The following CDC6 variants were observed in gnomAD, a reference collection of about 807,000 sequenced individuals.
CDC6 encodes the protein cell division cycle 6.
CDC6 carries 46 observed loss-of-function variants against 60.2 expected under a neutral mutation model. The ratio of observed to expected loss-of-function variants is 0.76; its 90% CI spans 0.60 to 0.98. The LOEUF (loss-of-function observed/expected upper bound fraction) is 0.98, where lower values mean the gene tolerates loss of function less well. CDC6 is among the 50% of genes least tolerant of loss of function. The probability of loss-of-function intolerance (pLI) is 0.00; values close to 1 mark genes in which losing one functional copy is unlikely to be tolerated. For synonymous variants in CDC6, 210 were observed against 233.2 expected, an observed-to-expected ratio of 0.90 and a Z score of 0.90; for missense variants, 596 against 652.9, an observed-to-expected ratio of 0.91 and a Z score of 0.95.
intron 9 of CDC6, 37 bp from the exon 10 acceptor site, chr17:40,300,791 T>G: frequency 6.7e-7 from 1 of 1,483,460 alleles, no homozygotes; most frequent in Non-Finnish European, 9.4e-7. Context: ...CACAGTATTT[T>G]AGAAATCGAA....
Position 40,302,071 on chromosome 17 carries a change from C to T in CDC6, c.*70C>T. The T allele has an allele frequency of 7.7e-6, 7 of 906,860 alleles. No individual in the cohort carries two copies. Among genetic ancestry groups the T allele is most frequent in the Admixed American group, 1.7e-5 (1 of 58,774 alleles). 56.2% of individuals were successfully genotyped at this position (906,860 alleles called of 1,614,324 possible). A position where few individuals can be genotyped will look rare whatever the true frequency, so the allele number is the denominator to read the frequency against. ...GAGAGCTACAGTCTTCATTTTAGTG[C>T]TTTACACATTCGGGCCTGAAAACAA... On this transcript the variant is annotated 3_prime_UTR_variant, in exon 12 of 12. Coordinates refer to ENST00000209728, the MANE Select transcript of CDC6 (RefSeq NM_001254.4).
In CDC6 at chr17:40,301,034, A is replaced by G. The variant is rs1167392870; in HGVS notation, c.1452+4A>G. 6.2e-7 allele frequency: 1 copy of G among 1,605,730 alleles called. No individual in the cohort carries two copies. The highest frequency in any genetic ancestry group is 8.5e-7 in the Non-Finnish European group (1 of 1,172,818). ...CAAAGAGGTCACTCTGGGGAAGGTA[A>G]GTTGGGATGGAGCAGATGGAACGGA... On this transcript the variant is annotated splice_donor_region_variant and intron_variant, in intron 10 of 11. Coordinates refer to ENST00000209728, the MANE Select transcript of CDC6 (RefSeq NM_001254.4).
intron 1 of CDC6, among the ~76,000 whole-genome samples, chr17:40,288,961 A>G (rs2032707990): frequency 6.6e-6 from 1 of 152,016 alleles, no homozygotes; most frequent in Admixed American, 6.5e-5. Context: ...TCAGCCTCCC[A>G]AAGTGCTGGG....
intron 4 of CDC6, 51 bp from the exon 5 acceptor site, chr17:40,293,405 C>T: frequency 6.9e-7 from 1 of 1,449,280 alleles, no homozygotes; most frequent in Admixed American, 1.7e-5. Flanking sequence ...TCTATCAGAT[C>T]TTTATTTTCT....
In CDC6 at chr17:40,291,519, C is replaced by T. The variant is rs757198932; in HGVS notation, c.511C>T (p.Arg171Trp). ...GGTCCTGAACACAGCTGTCCCAGATCGGCTGCCTGCCAGGGAAAGGGAGAT... is the reference window on the plus strand; with the variant it reads ...GGTCCTGAACACAGCTGTCCCAGATTGGCTGCCTGCCAGGGAAAGGGAGAT... ...KLVLNTAVPDRLPAREREMDV... is the reference protein window; with the variant it reads ...KLVLNTAVPDWLPAREREMDV... The change falls in exon 4 of 12, where the codon CGG (arginine) becomes TGG (tryptophan). Residue 171 changes from arginine to tryptophan, a missense_variant. Arg to Trp is a moderately radical substitution (Grantham distance 101, BLOSUM62 -3). Coordinates refer to ENST00000209728, the MANE Select transcript of CDC6 (RefSeq NM_001254.4). 3.4e-5 allele frequency: 55 copies of T among 1,614,026 alleles called. No homozygotes were observed. The East Asian group carries it at 6.9e-4, about 20-fold the overall frequency.
chr17:40,302,158 A>G lies in CDC6; in HGVS notation c.*157A>G, dbSNP rs1462698368. 1.5e-6 allele frequency: 1 copy of G among 664,480 alleles called. No homozygotes were observed. Among genetic ancestry groups the G allele is most frequent in the African/African-American group, 1.8e-5 (1 of 54,902 alleles). 41.2% of individuals were successfully genotyped at this position (664,480 alleles called of 1,614,324 possible). On this transcript the variant is annotated 3_prime_UTR_variant, in exon 12 of 12. Coordinates refer to ENST00000209728, the MANE Select transcript of CDC6 (RefSeq NM_001254.4). ...TCTATAGATTCTTTAATATTAGCAC[A>G]GAATAATATCTTTGGGTCTTACTAT...
intron 11 of CDC6, 149 bp downstream of exon 11, chr17:40,301,757 G>A (rs1331082448): frequency 1.2e-5 from 11 of 940,520 alleles, no homozygotes; most frequent in Admixed American, 9.3e-5. Context: ...AAAGATGGGA[G>A]TGTGATATGA....
chr17:40,297,623 T>G (rs941877248), intron 9 of CDC6, among the ~76,000 whole-genome samples: 12 of 152,074 alleles, frequency 7.9e-5, no homozygotes, highest in Admixed American at 5.2e-4. Context: ...TAAAAAAAAT[T>G]AGGCAAGCAT....
rs374722338 is a variant in CDC6, at chr17:40,291,733, GTTTGT to G, written c.660+89_660+93del. ...GATACTTGGGTGTTTTTGTTTGTTTGTTTGTTTTGTTTTGTTTTGTTTTGTTTTTT... is the reference window on the plus strand; with the variant it reads ...GATACTTGGGTGTTTTTGTTTGTTTGTTTGTTTTGTTTTGTTTTGTTTTTT... On this transcript the variant is annotated intron_variant, in intron 4 of 11. Transcript: ENST00000209728. 2.4e-4 allele frequency: 358 copies of G among 1,506,660 alleles called. 2 individuals are homozygous for G. Among genetic ancestry groups the G allele is most frequent in the African/African-American group, 1.2e-3 (88 of 70,750 alleles). The allele number at this position is 1,506,660 out of a possible 1,614,324, so 93.3% of individuals were successfully genotyped here. A position where few individuals can be genotyped will look rare whatever the true frequency, so the allele number is the denominator to read the frequency against.
intron 5 of CDC6, 31 bp downstream of exon 5, chr17:40,293,662 T>C: frequency 6.5e-7 from 1 of 1,550,132 alleles, no homozygotes; most frequent in Non-Finnish European, 8.9e-7. Flanking sequence ...TGTTGCTCTG[T>C]GAAAATCTGC....
chr17:40,288,678 G>A (rs1375598439), intron 1 of CDC6, among the ~76,000 whole-genome samples: 1 of 151,038 alleles, frequency 6.6e-6, no homozygotes, highest in Non-Finnish European at 1.5e-5. Flanking sequence ...TCCGCCTCCC[G>A]GGTTCATGCC....
intron 2 of CDC6, 107 bp downstream of exon 2, chr17:40,289,705 T>C (rs2032722266): frequency 3.7e-6 from 1 of 272,270 alleles, no homozygotes; most frequent in Non-Finnish European, 6.4e-6. Context: ...TAAGACTTCT[T>C]TTTTTTTTTT....
intron 9 of CDC6, among the ~76,000 whole-genome samples, chr17:40,299,946 A>G (rs748602921): frequency 4.6e-5 from 7 of 151,926 alleles, no homozygotes; most frequent in Admixed American, 1.3e-4. Context: ...AATATTCGGT[A>G]ATTTTCCAAC....
chr17:40,289,619 C>T, intron 2 of CDC6, 21 bp downstream of exon 2: 3 of 1,594,162 alleles, frequency 1.9e-6, no homozygotes, highest in Non-Finnish European at 2.6e-6. Context: ...CATTATATCA[C>T]TTTTTCACTA....
rs1175127473 is a variant in CDC6, at chr17:40,289,740, G to A, written c.178+142G>A. 3 of 627,968 alleles carry A rather than the reference G, an allele frequency of 4.8e-6. No individual in the cohort carries two copies. The East Asian group carries it at 9.3e-5, about 19-fold the overall frequency. The allele number at this position is 627,968 out of a possible 1,614,324, so 38.9% of individuals were successfully genotyped here. On this transcript the variant is annotated intron_variant, in intron 2 of 11. Transcript: ENST00000209728. ...TTTTTTTTTTTTGAGACAGAGTCTC[G>A]CTCCATCTCCCAGGCTGGAGTGCAA...
intron 6 of CDC6, 79 bp downstream of exon 6, chr17:40,294,135 AT>A: frequency 2.5e-6 from 3 of 1,191,346 alleles, no homozygotes; most frequent in South Asian, 2.4e-5. Flanking sequence ...TTTATCAGCT[AT>A]TTTATCTTAA....
intron 9 of CDC6, 106 bp from the exon 10 acceptor site, chr17:40,300,722 A>G (rs1051563218): frequency 4.5e-6 from 4 of 888,252 alleles, no homozygotes; most frequent in Non-Finnish European, 7.7e-6. Flanking sequence ...CCATGTGACT[A>G]TACTTGAATT....
intron 7 of CDC6, among the ~76,000 whole-genome samples, chr17:40,294,811 G>A (rs1188631500): frequency 1.3e-5 from 2 of 151,010 alleles, no homozygotes; most frequent in African/African-American, 2.4e-5. Context: ...TACAGCCTCT[G>A]CCTCACGGGT....
chr17:40,295,353 A>G lies in CDC6; in HGVS notation c.1084-3A>G. ...ACTGTCATCTTCTATGTCTTGTCTGAAGGTATCTAGAGATCAGGTTCTGGA... is the reference window on the plus strand; with the variant it reads ...ACTGTCATCTTCTATGTCTTGTCTGGAGGTATCTAGAGATCAGGTTCTGGA... On this transcript the variant is annotated splice_polypyrimidine_tract_variant and splice_region_variant and intron_variant, in intron 7 of 11. Coordinates refer to ENST00000209728, the MANE Select transcript of CDC6 (RefSeq NM_001254.4). 1 of 1,590,338 alleles carries G rather than the reference A, an allele frequency of 6.3e-7. No individual in the cohort carries two copies. The highest frequency in any genetic ancestry group is 8.6e-7 in the Non-Finnish European group (1 of 1,158,374).
Sources: gnomAD v4.1 joint callset for allele counts (sites outside exome capture counted in the v4.1 genomes callset) on GRCh38, gnomAD v4.1.1 for gene constraint, MANE v1.5 for transcripts, NCBI Gene and HGNC (gene_info 2026-07-23, HGNC 2026-07-21) for gene names.